AKAP19: variants seen among roughly 807,000 people sequenced by gnomAD.
The protein encoded by AKAP19 is small A-kinase anchoring protein.
At chr2:189,986,878 C>T in the AKAP19 span, among the ~76,000 whole-genome samples, 5 of 152,160 alleles carry the variant, frequency 3.3e-5, no homozygotes, top group Admixed American at 1.3e-4. Context: ...AGGATGTTGC[C>T]TTCCAACCTA....
the AKAP19 span, among the ~76,000 whole-genome samples, chr2:189,880,739 T>A: frequency 6.6e-6 from 1 of 152,210 alleles, no homozygotes; most frequent in Non-Finnish European, 1.5e-5. Context: ...AGTTTTTATT[T>A]TTGTTTCACA....
At chr2:190,087,923 G>A in the AKAP19 span, among the ~76,000 whole-genome samples, 1 of 152,154 alleles carries the variant, frequency 6.6e-6, no homozygotes, top group African/African-American at 2.4e-5. Flanking sequence ...AAGATAAGGA[G>A]TTTTAAAACC....
At chr2:190,194,475 TATACACACACACACACACACACAC>T in the AKAP19 span, among the ~76,000 whole-genome samples, 33 of 126,912 alleles carry the variant, frequency 2.6e-4, no homozygotes, top group African/African-American at 8.8e-4. Context: ...GTATCCTGTG[TATACACACACACACACACACACAC>T]ACACACACAC....
At chr2:189,918,413 G>A in the AKAP19 span, among the ~76,000 whole-genome samples, 1 of 151,942 alleles carries the variant, frequency 6.6e-6, no homozygotes. Flanking sequence ...TTCCTGAAGG[G>A]TATGATTCTC....
chr2:190,058,549 G>A, the AKAP19 span, among the ~76,000 whole-genome samples: 1 of 151,910 alleles, frequency 6.6e-6, no homozygotes, highest in South Asian at 2.1e-4. Flanking sequence ...TTAGACACCT[G>A]CACACGTATG....
chr2:189,926,586 T>TAA, the AKAP19 span, among the ~76,000 whole-genome samples: 1 of 4,728 alleles, frequency 2.1e-4, no homozygotes, highest in African/African-American at 3.3e-4. Context: ...GCGCCCGGCC[T>TAA]TTTTTTTTTT....
chr2:190,182,125 C>T, the AKAP19 span, among the ~76,000 whole-genome samples: 1 of 152,304 alleles, frequency 6.6e-6, no homozygotes, highest in African/African-American at 2.4e-5. Flanking sequence ...TCCTGACAGG[C>T]CAGCCACATT....
chr2:189,982,652 A>G, the AKAP19 span, among the ~76,000 whole-genome samples: 1 of 129,920 alleles, frequency 7.7e-6, no homozygotes, highest in Non-Finnish European at 1.6e-5. Context: ...TGTTGTTTGG[A>G]TGGAACCTTA....
At chr2:189,956,170 T>TTTTTTTC in the AKAP19 span, among the ~76,000 whole-genome samples, 4 of 5,056 alleles carry the variant, frequency 7.9e-4, no homozygotes, top group East Asian at 0.069. Context: ...TATATTTTCT[T>TTTTTTTC]TTTTTTCTTT....
the AKAP19 span, among the ~76,000 whole-genome samples, chr2:190,127,511 A>G: frequency 2.0e-5 from 3 of 152,198 alleles, no homozygotes; most frequent in Non-Finnish European, 2.9e-5. Flanking sequence ...AGCTGTCTAA[A>G]TGTAGCTTTT....
chr2:190,158,775 T>C, the AKAP19 span, among the ~76,000 whole-genome samples: 1 of 152,214 alleles, frequency 6.6e-6, no homozygotes, highest in Non-Finnish European at 1.5e-5. Flanking sequence ...CTAAAAGTGA[T>C]GAGGCAGAAC....
chr2:190,175,852 T>C, the AKAP19 span, among the ~76,000 whole-genome samples: 1 of 152,206 alleles, frequency 6.6e-6, no homozygotes, highest in Non-Finnish European at 1.5e-5. Context: ...ATGTTGCCGA[T>C]GTGATAGGAT....
chr2:189,959,771 T>A, the AKAP19 span, among the ~76,000 whole-genome samples: 1 of 152,220 alleles, frequency 6.6e-6, no homozygotes, highest in African/African-American at 2.4e-5. Flanking sequence ...TATGACCATT[T>A]GGTTCACTTG....
the AKAP19 span, among the ~76,000 whole-genome samples, chr2:190,187,958 C>A: frequency 6.6e-6 from 1 of 152,154 alleles, no homozygotes; most frequent in African/African-American, 2.4e-5. Flanking sequence ...AGTGTCAGGG[C>A]TCATTCTATA....
chr2:189,920,529 C>T, the AKAP19 span, among the ~76,000 whole-genome samples: 1 of 152,174 alleles, frequency 6.6e-6, no homozygotes, highest in Non-Finnish European at 1.5e-5. Flanking sequence ...ATGTAGTGTT[C>T]TATTCCTAAA....
the AKAP19 span, among the ~76,000 whole-genome samples, chr2:190,067,269 AC>A: frequency 6.6e-6 from 1 of 152,164 alleles, no homozygotes. Flanking sequence ...AAGGCAAAAA[AC>A]ATCTTAGTAT....
At chr2:190,029,636 G>A in the AKAP19 span, among the ~76,000 whole-genome samples, 1 of 152,154 alleles carries the variant, frequency 6.6e-6, no homozygotes, top group Non-Finnish European at 1.5e-5. Flanking sequence ...TAAGTTTTGT[G>A]GGTTGTATAG....
At chr2:189,907,441 CATCTT>C in the AKAP19 span, among the ~76,000 whole-genome samples, 2 of 152,036 alleles carry the variant, frequency 1.3e-5, no homozygotes, top group South Asian at 4.1e-4. Flanking sequence ...GCTTGAATAT[CATCTT>C]ATCAGAAAAA....
the AKAP19 span, among the ~76,000 whole-genome samples, chr2:189,994,578 A>G: frequency 6.6e-6 from 1 of 151,432 alleles, no homozygotes; most frequent in Non-Finnish European, 1.5e-5. Context: ...TCTGGAGCAG[A>G]TTATTATTAT....
Sources: allele counts gnomAD v4.1 joint callset (sites outside exome capture counted in the v4.1 genomes callset), GRCh38; gene constraint gnomAD v4.1.1; transcripts MANE v1.5; gene names NCBI Gene and HGNC (gene_info 2026-07-23, HGNC 2026-07-21).